The following LRRC2 variants were observed in gnomAD, a reference collection of about 807,000 sequenced individuals.
LRRC2 encodes leucine rich repeat containing 2.
LRRC2 carries 27 observed loss-of-function variants against 40.2 expected under a neutral mutation model. That is an observed-to-expected ratio of 0.67 (90% CI 0.49 to 0.93). The LOEUF is 0.93. Ranked by LOEUF, LRRC2 falls within the 40% of genes least tolerant of loss-of-function variation. The pLI is 0.00. For synonymous variants in LRRC2, 147 were observed against 158.9 expected (o/e 0.92, Z 0.56); for missense variants, 402 against 439.6 (o/e 0.91, Z 0.76).
intron 1 of LRRC2, among the ~76,000 whole-genome samples, chr3:46,553,141 T>C (rs1214833145): frequency 2.0e-5 from 3 of 150,874 alleles, no homozygotes; most frequent in African/African-American, 7.3e-5. Context: ...ATTTTTCTAC[T>C]TTACATTTAC....
At chr3:46,544,523 C>T (rs996216108) in intron 3 of LRRC2, among the ~76,000 whole-genome samples, 1 of 152,168 alleles carries the variant, frequency 6.6e-6, no homozygotes, top group East Asian at 1.9e-4. Flanking sequence ...AAGAGATGGA[C>T]GGAGGGTCCC....
chr3:46,555,241 T>C (rs1704765454), intron 1 of LRRC2, among the ~76,000 whole-genome samples: 1 of 152,198 alleles, frequency 6.6e-6, no homozygotes, highest in South Asian at 2.1e-4. Context: ...CCTAACTATA[T>C]GCTTATAGTT....
intron 1 of LRRC2, chr3:46,559,730 G>T (rs1271610249): frequency 6.6e-6 from 1 of 152,182 alleles, no homozygotes; most frequent in Admixed American, 6.5e-5. Context: ...CTGGAATTAT[G>T]AAATTTAATT....
rs1045719100 is a variant in LRRC2 at position 46,551,428 on chromosome 3, A to C, written c.125+39T>G. The C allele has an allele frequency of 5.6e-6, 9 of 1,597,236 alleles. No homozygotes were observed. In the Admixed American group the frequency reaches 1.6e-4, roughly 28 times the overall value. The stretch of plus-strand genomic sequence containing the variant: ...CTGTTGCCTGTCCAAATCCTTATTC[A>C]CCAAACAAGCTACAAGACTAGGTTG... On this transcript the variant is annotated intron_variant, in intron 2 of 8. Coordinates refer to ENST00000395905, the MANE Select transcript of LRRC2 (RefSeq NM_024512.5).
intron 5 of LRRC2, among the ~76,000 whole-genome samples, chr3:46,531,529 G>A (rs537078138): frequency 1.3e-5 from 2 of 152,278 alleles, no homozygotes; most frequent in South Asian, 4.1e-4. Context: ...ATATTCTGGA[G>A]GGCATGCTCA....
intron 2 of LRRC2, among the ~76,000 whole-genome samples, chr3:46,550,119 C>T (rs555836278): frequency 6.6e-6 from 1 of 152,306 alleles, no homozygotes; most frequent in East Asian, 1.9e-4. Flanking sequence ...GACGTTCTAA[C>T]TACCTGTGAT....
chr3:46,536,807 A>T (rs975676046), intron 4 of LRRC2, among the ~76,000 whole-genome samples: 2 of 152,238 alleles, frequency 1.3e-5, no homozygotes, highest in Non-Finnish European at 2.9e-5. Flanking sequence ...ACATTGGTGT[A>T]GTGTGGGAAG....
At chr3:46,542,488 C>T (rs1704415750) in intron 3 of LRRC2, among the ~76,000 whole-genome samples, 1 of 148,578 alleles carries the variant, frequency 6.7e-6, no homozygotes. Context: ...CTAAGCAGGG[C>T]TCTGTCTCAA....
At chr3:46,524,521 G>A (rs1043794594) in intron 7 of LRRC2, among the ~76,000 whole-genome samples, 11 of 152,166 alleles carry the variant, frequency 7.2e-5, no homozygotes, top group East Asian at 1.9e-4. Context: ...AGGACAGAGC[G>A]GTGCGCTCCT....
At chr3:46,535,486 C>T (rs567895434) in intron 4 of LRRC2, among the ~76,000 whole-genome samples, 5 of 152,250 alleles carry the variant, frequency 3.3e-5, no homozygotes, top group Non-Finnish European at 5.9e-5. Context: ...CCCCCTCCTT[C>T]CCATAGTTTA....
rs140490124 is a variant in LRRC2, at chr3:46,539,979, C to T, written c.334-778G>A. On this transcript the variant is annotated intron_variant, in intron 3 of 8. Transcript: ENST00000395905. ...AAGACGAGACACACAGGTCCCCTGACCTCAGAAGCTGACCACAACGCACCA... is the reference window on the plus strand; with the variant it reads ...AAGACGAGACACACAGGTCCCCTGATCTCAGAAGCTGACCACAACGCACCA... 2.5e-3 allele frequency among the ~76,000 whole-genome samples: 383 copies of T among 152,194 alleles called. 3 individuals are homozygous for T. Among genetic ancestry groups the T allele is most frequent in the African/African-American group, 8.6e-3 (356 of 41,524 alleles).
chr3:46,563,797 G>A (rs1036891915), intron 1 of LRRC2, among the ~76,000 whole-genome samples: 4 of 152,202 alleles, frequency 2.6e-5, no homozygotes, highest in Admixed American at 1.3e-4. Context: ...AGCTGAGCAG[G>A]TCATACTGTA....
intron 2 of LRRC2, among the ~76,000 whole-genome samples, chr3:46,547,470 G>T (rs1006591902): frequency 6.6e-6 from 1 of 151,726 alleles, no homozygotes; most frequent in African/African-American, 2.4e-5. Context: ...AACAAAGTGA[G>T]ACCCCTGTCT....
chr3:46,564,445 T>C (rs1170320190), intron 1 of LRRC2, among the ~76,000 whole-genome samples: 3 of 152,078 alleles, frequency 2.0e-5, no homozygotes, highest in Non-Finnish European at 4.4e-5. Flanking sequence ...GGTCACCTAG[T>C]CCTCTCCCTT....
At chr3:46,522,709 C>T (rs1458264987) in intron 7 of LRRC2, among the ~76,000 whole-genome samples, 3 of 149,800 alleles carry the variant, frequency 2.0e-5, no homozygotes, top group East Asian at 1.9e-4. Context: ...TGAGAGAGAT[C>T]CCATCTCTGA....
At chr3:46,561,194 A>G (rs974081996) in intron 1 of LRRC2, among the ~76,000 whole-genome samples, 10 of 151,998 alleles carry the variant, frequency 6.6e-5, no homozygotes, top group African/African-American at 1.4e-4. Context: ...AAACATTCTC[A>G]GAACAAGAGG....
chr3:46,516,173 G>C lies in LRRC2; in HGVS notation c.*2841C>G, dbSNP rs1051276798. On this transcript the variant is annotated 3_prime_UTR_variant, in exon 9 of 9. Coordinates refer to ENST00000395905, the MANE Select transcript of LRRC2 (RefSeq NM_024512.5). ...GGGTTTCACTATGTTGTTTAGGCTG[G>C]TCTCGAACTCCTGACCTCATGATTC... The C allele has an allele frequency of 6.6e-6, 1 of 151,802 alleles. No individual in the cohort carries two copies. Among genetic ancestry groups the C allele is most frequent in the South Asian group, 2.1e-4 (1 of 4,796 alleles). The allele number at this position is 151,802 out of a possible 1,614,324, so 9.4% of individuals were successfully genotyped here.
intron 4 of LRRC2, among the ~76,000 whole-genome samples, chr3:46,537,699 G>T (rs920384497): frequency 7.9e-5 from 12 of 152,138 alleles, no homozygotes; most frequent in African/African-American, 2.9e-4. Flanking sequence ...CAGAAACTAG[G>T]CAAGGAAACA....
At chr3:46,562,611 T>A (rs1704969287) in intron 1 of LRRC2, among the ~76,000 whole-genome samples, 1 of 152,178 alleles carries the variant, frequency 6.6e-6, no homozygotes, top group Non-Finnish European at 1.5e-5. Flanking sequence ...CTCACACATA[T>A]CTCAAAGAAA....
Sources: allele counts gnomAD v4.1 joint callset (sites outside exome capture counted in the v4.1 genomes callset), GRCh38; gene constraint gnomAD v4.1.1; transcripts MANE v1.5; gene names NCBI Gene and HGNC (gene_info 2026-07-23, HGNC 2026-07-21).